The following ZNF837 variants were observed in gnomAD, a reference collection of about 807,000 sequenced individuals.
The protein encoded by ZNF837 is zinc finger protein 837.
For missense variants in ZNF837, 955 were observed against 801.7 expected, an observed-to-expected ratio of 1.19 and a Z score of -2.31; for synonymous variants, 475 against 365.2, an observed-to-expected ratio of 1.30 and a Z score of -3.43.
intron 1 of ZNF837, among the ~76,000 whole-genome samples, chr19:58,377,765 T>A (rs1345232674): frequency 6.6e-6 from 1 of 152,154 alleles, no homozygotes; most frequent in African/African-American, 2.4e-5. Context: ...ACATGGGAAG[T>A]TGTGACGGGA....
At chr19:58,371,721 A>AT (rs796680260) in intron 1 of ZNF837, among the ~76,000 whole-genome samples, 81 of 148,546 alleles carry the variant, frequency 5.5e-4, no homozygotes, top group Middle Eastern at 3.4e-3. Flanking sequence ...ATTTTATTTT[A>AT]TTTATTTTGG....
chr19:58,379,352 C>T (rs2052272901), intron 1 of ZNF837, among the ~76,000 whole-genome samples: 1 of 152,180 alleles, frequency 6.6e-6, no homozygotes, highest in Admixed American at 6.5e-5. Context: ...AACCTGCCTC[C>T]CAGCACCAGA....
In ZNF837 at chr19:58,368,581, T is replaced by A; in HGVS notation, c.752A>T (p.Glu251Val). The change falls in exon 3 of 3, where the codon GAG (glutamate) becomes GTG (valine). Residue 251 changes from glutamate (E) to valine (V), a missense_variant. Transcript: ENST00000597582. ...QAGKSPPVCP[E>V]CGQTSRPRPI... ...GCGAGGTCGCGAGGTTTGGCCGCACTCAGGACACACTGGGGGACTCTTGCC... is the reference window on the plus strand; with the variant it reads ...GCGAGGTCGCGAGGTTTGGCCGCACACAGGACACACTGGGGGACTCTTGCC... 6.5e-7 allele frequency: 1 copy of A among 1,536,306 alleles called. No homozygotes were observed. The highest frequency in any genetic ancestry group is 8.7e-7 in the Non-Finnish European group (1 of 1,144,822).
In ZNF837 at chr19:58,367,692, C is replaced by T. The variant is rs1449639669; in HGVS notation, c.*45G>A. 1.4e-6 allele frequency: 2 copies of T among 1,454,646 alleles called. No individual in the cohort carries two copies. Among genetic ancestry groups the T allele is most frequent in the South Asian group, 1.4e-5 (1 of 72,074 alleles). 90.1% of individuals were successfully genotyped at this position (1,454,646 alleles called of 1,614,324 possible). A position where few individuals can be genotyped will look rare whatever the true frequency, so the allele number is the denominator to read the frequency against. On this transcript the variant is annotated 3_prime_UTR_variant, in exon 3 of 3. Transcript: ENST00000597582. ...TTCCGGGACAAAGGCCCCTCCTCGA[C>T]GCAGGGTTCGCTTGGGCGACGCGTC...
intron 1 of ZNF837, among the ~76,000 whole-genome samples, chr19:58,378,495 G>T (rs1270682743): frequency 6.6e-6 from 1 of 152,146 alleles, no homozygotes; most frequent in Admixed American, 6.6e-5. Context: ...AGAACTCTAG[G>T]GACTTAGGGG....
chr19:58,380,281 C>T (rs1225342292), intron 1 of ZNF837, among the ~76,000 whole-genome samples: 1 of 152,236 alleles, frequency 6.6e-6, no homozygotes, highest in Non-Finnish European at 1.5e-5. Flanking sequence ...TGTCTGTCCT[C>T]CCGACAGTGC....
rs1395705246 is a variant in ZNF837 at position 58,368,755 on chromosome 19, A to T, written c.578T>A (p.Leu193Ter). ...CGCGCAAGCCCGGGGCTGCTCCACC[A>T]AGGGGTTCCTCCCGCGGGAGGTCGG... ...PKPTSRGRNP[L>*]VEQPRACACG... is the part of the protein sequence containing the mutation. The change falls in exon 3 of 3, where the codon TTG (leucine) becomes TAG (stop). Residue 193 changes from leucine (L) to a stop codon, truncating the protein, a stop_gained. Transcript: ENST00000597582. LOFTEE classifies it low-confidence loss of function (END_TRUNC). The T allele has an allele frequency of 3.8e-5, 59 of 1,540,128 alleles. No individual in the cohort carries two copies. Among genetic ancestry groups the T allele is most frequent in the Non-Finnish European group, 5.0e-5 (57 of 1,146,522 alleles).
chr19:58,379,681 A>G (rs1193956206), intron 1 of ZNF837, among the ~76,000 whole-genome samples: 1 of 152,222 alleles, frequency 6.6e-6, no homozygotes, highest in Non-Finnish European at 1.5e-5. Context: ...AACAGGATGC[A>G]GAGTTACCAA....
At position 58,367,715 on chromosome 19, in the gene ZNF837, G is replaced by A. The variant is rs2052146433; in HGVS notation, c.*22C>T. 2.0e-6 allele frequency: 3 copies of A among 1,482,492 alleles called. No homozygotes were observed. The South Asian group carries it at 3.9e-5, about 19-fold the overall frequency. 91.8% of individuals were successfully genotyped at this position (1,482,492 alleles called of 1,614,324 possible). On this transcript the variant is annotated 3_prime_UTR_variant, in exon 3 of 3. Transcript: ENST00000597582. ...GACGCAGGGTTCGCTTGGGCGACGCGTCGACTCTCGGCTCCCTGCAGTCAA... is the reference window on the plus strand; with the variant it reads ...GACGCAGGGTTCGCTTGGGCGACGCATCGACTCTCGGCTCCCTGCAGTCAA...
At chr19:58,371,379 G>C (rs1261905087) in intron 1 of ZNF837, among the ~76,000 whole-genome samples, 1 of 152,206 alleles carries the variant, frequency 6.6e-6, no homozygotes, top group Non-Finnish European at 1.5e-5. Context: ...CTGCCCTCCA[G>C]CCTGGGCGAC....
At chr19:58,375,371 T>G (rs1308919759) in intron 1 of ZNF837, among the ~76,000 whole-genome samples, 3 of 146,360 alleles carry the variant, frequency 2.0e-5, no homozygotes, top group African/African-American at 5.1e-5. Context: ...ATATTAGAGA[T>G]ATATATATAC....
chr19:58,367,657 T>C lies in ZNF837; in HGVS notation c.*80A>G. 8 of 1,420,772 alleles carry C rather than the reference T, an allele frequency of 5.6e-6. No individual in the cohort carries two copies. The South Asian group carries it at 7.4e-5, about 13-fold the overall frequency. 88.0% of individuals were successfully genotyped at this position (1,420,772 alleles called of 1,614,324 possible). On this transcript the variant is annotated 3_prime_UTR_variant, in exon 3 of 3. Transcript: ENST00000597582. ...TGAAGTTTAATCAAAGTTACAAACG[T>C]TGGTGGGTTTTCCGGGACAAAGGCC... is the stretch of plus-strand genomic sequence containing the variant.
Position 58,376,587 on chromosome 19 carries a change from A to G in ZNF837, c.-140+4354T>C, listed in dbSNP as rs1165017792. Among the ~76,000 whole-genome samples, 231 of 132,200 alleles carry G rather than the reference A, an allele frequency of 1.7e-3. 2 individuals are homozygous for G. Among genetic ancestry groups the G allele is most frequent in the African/African-American group, 5.9e-3 (214 of 36,088 alleles). 86.7% of individuals were successfully genotyped at this position (132,200 alleles called of 152,430 possible). ...AAAAAAAAAAAAAAAAAAAAAAAAA[A>G]AAAAGAAAGAAAAGAAAAAAGGAAA... On this transcript the variant is annotated intron_variant, in intron 1 of 2. Transcript: ENST00000597582.
intron 1 of ZNF837, among the ~76,000 whole-genome samples, chr19:58,370,918 AAG>A (rs1177099952): frequency 1.6e-5 from 2 of 128,682 alleles, no homozygotes; most frequent in Non-Finnish European, 3.3e-5. Context: ...AAAAAAAGAA[AAG>A]AGAGAGAGAG....
chr19:58,379,987 C>T (rs1432552238), intron 1 of ZNF837, among the ~76,000 whole-genome samples: 4 of 137,282 alleles, frequency 2.9e-5, no homozygotes, highest in Non-Finnish European at 6.3e-5. Flanking sequence ...AAGAGCGAAA[C>T]TCCGTCTCAA....
chr19:58,371,733 GT>G (rs2052203988), intron 1 of ZNF837, among the ~76,000 whole-genome samples: 1 of 147,762 alleles, frequency 6.8e-6, no homozygotes, highest in South Asian at 2.1e-4. Flanking sequence ...TTATTTTGGT[GT>G]TTTTTGAGAC....
rs55782279 is a variant in ZNF837, at chr19:58,370,949, C to CG, written c.-139-1022dup. 4.8e-3 allele frequency among the ~76,000 whole-genome samples: 648 copies of CG among 135,338 alleles called. 5 individuals are homozygous for CG. Among genetic ancestry groups the CG allele is most frequent in the African/African-American group, 0.017 (595 of 35,368 alleles). The allele number at this position is 135,338 out of a possible 152,430, so 88.8% of individuals were successfully genotyped here. On this transcript the variant is annotated intron_variant, in intron 1 of 2. Coordinates refer to ENST00000597582, the MANE Select transcript of ZNF837 (RefSeq NM_138466.2). ...GAGAGAGGGAGGGAGGGGTGAAGGCCGGGGGGGGGGAGCCGGGCGCGGTGG... is the reference window on the plus strand; with the variant it reads ...GAGAGAGGGAGGGAGGGGTGAAGGCCGGGGGGGGGGGAGCCGGGCGCGGTGG...
Position 58,371,240 on chromosome 19 carries a change from CA to C in ZNF837, c.-139-1313del, listed in dbSNP as rs369666456. On this transcript the variant is annotated intron_variant, in intron 1 of 2. Transcript: ENST00000597582. The stretch of plus-strand genomic sequence containing the variant: ...TGGGCGACAGAACGAGACTCTGTCT[CA>C]AAAAAAAAAAAAAAAAAATTGCCGG... Among the ~76,000 whole-genome samples the C allele has an allele frequency of 5.0e-3, 494 of 99,588 alleles. 1 individual carries two copies. Among genetic ancestry groups the C allele is most frequent in the Non-Finnish European group, 6.6e-3 (343 of 51,844 alleles). The allele number at this position is 99,588 out of a possible 152,430, so 65.3% of individuals were successfully genotyped here.
rs141363653 is a variant in ZNF837, at chr19:58,369,592, C to T, written c.-30+227G>A. ...CCAGGCTCTGCCTGCCCGCCATCAC[C>T]GTTCCTCCCCAACACTAGCTCCTAA... On this transcript the variant is annotated intron_variant, in intron 2 of 2. Transcript: ENST00000597582. 1.8e-3 allele frequency: 644 copies of T among 362,746 alleles called. 4 individuals are homozygous for T. The highest frequency in any genetic ancestry group is 0.012 in the African/African-American group (572 of 47,924). The allele number at this position is 362,746 out of a possible 1,614,324, so 22.5% of individuals were successfully genotyped here. A position where few individuals can be genotyped will look rare whatever the true frequency, so the allele number is the denominator to read the frequency against.
Sources: gnomAD v4.1 joint callset for allele counts (sites outside exome capture counted in the v4.1 genomes callset) on GRCh38, gnomAD v4.1.1 for gene constraint, MANE v1.5 for transcripts, NCBI Gene and HGNC (gene_info 2026-07-23, HGNC 2026-07-21) for gene names.